The following PLEKHA5 variants were observed in gnomAD, a reference collection of about 807,000 sequenced individuals.
PLEKHA5 encodes the protein pleckstrin homology domain containing A5.
A neutral mutation model predicts 181.9 loss-of-function variants in PLEKHA5; 55 were observed. That is an observed-to-expected ratio of 0.30 (90% CI 0.24 to 0.38). The LOEUF is 0.38. Ranked by LOEUF, PLEKHA5 falls within the 10% of genes least tolerant of loss-of-function variation. The probability of loss-of-function intolerance (pLI) is 1.00; values close to 1 mark genes in which losing one functional copy is unlikely to be tolerated. For synonymous variants in PLEKHA5, 535 were observed against 529.4 expected, an observed-to-expected ratio of 1.01 and a Z score of -0.15; for missense variants, 1,432 against 1,549.5, an observed-to-expected ratio of 0.92 and a Z score of 1.27.
intron 12 of PLEKHA5, among the ~76,000 whole-genome samples, chr12:19,286,793 C>A (rs990195515): frequency 6.6e-6 from 1 of 151,788 alleles, no homozygotes; most frequent in African/African-American, 2.4e-5. Context: ...TGGTGAAACC[C>A]CGTCTCTACT....
chr12:19,251,972 C>G (rs1192157858), intron 3 of PLEKHA5, among the ~76,000 whole-genome samples: 1 of 152,074 alleles, frequency 6.6e-6, no homozygotes, highest in Non-Finnish European at 1.5e-5. Flanking sequence ...CCCAGGGTGT[C>G]AAGTGCTGTA....
intron 15 of PLEKHA5, among the ~76,000 whole-genome samples, chr12:19,302,410 A>C (rs775247990): frequency 1.3e-5 from 2 of 152,184 alleles, no homozygotes; most frequent in Non-Finnish European, 2.9e-5. Flanking sequence ...GGGGAAAATC[A>C]TACTTGCTTT....
At chr12:19,349,670 G>C (rs569126281) in intron 25 of PLEKHA5, among the ~76,000 whole-genome samples, 1 of 151,582 alleles carries the variant, frequency 6.6e-6, no homozygotes, top group Non-Finnish European at 1.5e-5. Flanking sequence ...ACTTCAGGAG[G>C]CCGAGGTGGG....
Position 19,367,556 on chromosome 12 carries a change from G to T in PLEKHA5, c.3754+1447G>T, listed in dbSNP as rs559414295. Among the ~76,000 whole-genome samples the T allele has an allele frequency of 2.0e-5, 3 of 151,348 alleles. No homozygotes were observed. In the East Asian group the frequency reaches 5.8e-4, roughly 29 times the overall value. On this transcript the variant is annotated intron_variant, in intron 30 of 31. Transcript: ENST00000429027. ...AGGCGTGAGCCACCATGCCCAGCCAGCTTTGCTTCTTTTTTATTTTATTTT... is the reference window on the plus strand; with the variant it reads ...AGGCGTGAGCCACCATGCCCAGCCATCTTTGCTTCTTTTTTATTTTATTTT...
intron 26 of PLEKHA5, 141 bp downstream of exon 26, chr12:19,354,143 CTTTTTTTTTTTTTT>C (rs750923063): frequency 2.3e-4 from 17 of 74,886 alleles, no homozygotes; most frequent in African/African-American, 8.7e-4. Flanking sequence ...ATTCTTTATT[CTTTTTTTTTTTTTT>C]TTTTTTTTTT....
At chr12:19,362,219 G>A (rs1355297504) in intron 29 of PLEKHA5, among the ~76,000 whole-genome samples, 1 of 147,802 alleles carries the variant, frequency 6.8e-6, no homozygotes, top group African/African-American at 2.5e-5. Flanking sequence ...TATCTGACAG[G>A]TGTGTTGTAA....
chr12:19,189,157 G>A (rs957423324), intron 3 of PLEKHA5, among the ~76,000 whole-genome samples: 2 of 152,198 alleles, frequency 1.3e-5, no homozygotes, highest in African/African-American at 4.8e-5. Context: ...CTGGAACTAG[G>A]CAAGCAAGAT....
At position 19,346,983 on chromosome 12, in the gene PLEKHA5, A is replaced by G. The variant is rs2094365349; in HGVS notation, c.2710-11A>G. 3.9e-6 allele frequency: 6 copies of G among 1,535,548 alleles called. No individual in the cohort carries two copies. In the East Asian group the frequency reaches 1.5e-4, roughly 38 times the overall value. On this transcript the variant is annotated splice_polypyrimidine_tract_variant and intron_variant, in intron 23 of 31. Coordinates refer to ENST00000429027, the MANE Select transcript of PLEKHA5 (RefSeq NM_001256470.2). ...CTTATCTAAATAAGGTGACTGTTCT[A>G]CAATCTTTAGGAAGAGGAAGTAGTC... is the stretch of plus-strand genomic sequence containing the variant.
At chr12:19,227,303 T>C (rs12423600) in intron 3 of PLEKHA5, among the ~76,000 whole-genome samples, 12,014 of 149,858 alleles carry the variant, frequency 0.08, 640 homozygotes, top group Admixed American at 0.18. Context: ...TTTTTTTTTT[T>C]CCCTCATGTC....
chr12:19,289,556 G>A (rs1208668962), intron 13 of PLEKHA5, among the ~76,000 whole-genome samples: 1 of 152,138 alleles, frequency 6.6e-6, no homozygotes, highest in East Asian at 1.9e-4. Context: ...AAAGCTCAGA[G>A]AAATACCAAG....
At chr12:19,306,649 A>AG (rs2083806241) in intron 15 of PLEKHA5, 1 of 1,320,034 alleles carries the variant, frequency 7.6e-7, no homozygotes, top group South Asian at 1.2e-5. Context: ...TCGAGGTAAT[A>AG]GGTGACTGAT....
chr12:19,343,424 T>A lies in PLEKHA5; in HGVS notation c.2652T>A (p.Thr884=). 6.3e-7 allele frequency: 1 copy of A among 1,583,220 alleles called. No homozygotes were observed. Among genetic ancestry groups the A allele is most frequent in the Non-Finnish European group, 8.7e-7 (1 of 1,152,010 alleles). ...GTAAACATAAGCAGCAAAGAGGTACTACAGAAATAGGTAAATTAGCTTTGC... is the reference window on the plus strand; with the variant it reads ...GTAAACATAAGCAGCAAAGAGGTACAACAGAAATAGGTAAATTAGCTTTGC... ...GLSKHKQQRG[T]TEIGMIGSKP... The change falls in exon 22 of 32, where the codon ACT becomes ACA. Residue 884 remains threonine (T), a synonymous_variant. Transcript: ENST00000429027.
At chr12:19,331,734 A>T (rs896461600) in intron 20 of PLEKHA5, among the ~76,000 whole-genome samples, 1 of 152,126 alleles carries the variant, frequency 6.6e-6, no homozygotes, top group Non-Finnish European at 1.5e-5. Flanking sequence ...TTTTTAAAAA[A>T]AATCTTGGCC....
chr12:19,345,958 C>T, intron 23 of PLEKHA5, 70 bp downstream of exon 23: 1 of 713,474 alleles, frequency 1.4e-6, no homozygotes, highest in South Asian at 1.8e-5. Context: ...AAGTAATTGT[C>T]TTCTCTAATC....
intron 2 of PLEKHA5, 33 bp from the exon 3 acceptor site, chr12:19,132,360 G>A (rs1348251352): frequency 2.9e-6 from 3 of 1,021,644 alleles, no homozygotes; most frequent in Non-Finnish European, 1.5e-6. Flanking sequence ...TATCATTGAA[G>A]TAATACTAAT....
In PLEKHA5 at chr12:19,376,183, G is replaced by C. The variant is rs907463852; in HGVS notation, c.*664G>C. 6.6e-6 allele frequency: 1 copy of C among 151,322 alleles called. No homozygotes were observed. The highest frequency in any genetic ancestry group is 2.4e-5 in the African/African-American group (1 of 41,068). The allele number at this position is 151,322 out of a possible 1,614,324, so 9.4% of individuals were successfully genotyped here. ...AAAAACAAAGTGTAGGTATTTTGAA[G>C]TACTGGGCTTATATTTCATTGGAAT... On this transcript the variant is annotated 3_prime_UTR_variant, in exon 32 of 32. Coordinates refer to ENST00000429027, the MANE Select transcript of PLEKHA5 (RefSeq NM_001256470.2).
At chr12:19,177,099 C>G (rs2047478040) in intron 3 of PLEKHA5, among the ~76,000 whole-genome samples, 1 of 151,934 alleles carries the variant, frequency 6.6e-6, no homozygotes, top group Non-Finnish European at 1.5e-5. Flanking sequence ...ATCTCCTGAC[C>G]TCGTGATCTA....
chr12:19,245,115 T>A (rs552418776), intron 3 of PLEKHA5, among the ~76,000 whole-genome samples: 1 of 152,334 alleles, frequency 6.6e-6, no homozygotes, highest in South Asian at 2.1e-4. Flanking sequence ...CAGGTTAAAT[T>A]ACCCTTTTAC....
At chr12:19,229,268 T>C (rs1423510430) in intron 3 of PLEKHA5, among the ~76,000 whole-genome samples, 3 of 152,174 alleles carry the variant, frequency 2.0e-5, no homozygotes, top group Admixed American at 6.5e-5. Context: ...TGCAATATTG[T>C]GTCCGGAATT....
Sources: gnomAD v4.1 joint callset for allele counts (sites outside exome capture counted in the v4.1 genomes callset) on GRCh38, gnomAD v4.1.1 for gene constraint, MANE v1.5 for transcripts, NCBI Gene and HGNC (gene_info 2026-07-23, HGNC 2026-07-21) for gene names.